Variants in NCBP1 observed in about 807,000 individuals in gnomAD.
NCBP1 encodes the protein nuclear cap-binding protein subunit 1.
A neutral mutation model predicts 111.7 loss-of-function variants in NCBP1; 16 were observed. The ratio of observed to expected loss-of-function variants is 0.14; its 90% confidence interval spans 0.10 to 0.22. NCBP1 has a LOEUF of 0.22. NCBP1 is among the 10% of genes least tolerant of loss of function. The probability of loss-of-function intolerance (pLI) is 1.00; values close to 1 mark genes in which losing one functional copy is unlikely to be tolerated. For synonymous variants in NCBP1, 304 were observed against 314.3 expected, an observed-to-expected ratio of 0.97 and a Z score of 0.35; for missense variants, 607 against 957.5, an observed-to-expected ratio of 0.63 and a Z score of 4.83.
At chr9:97,659,095 A>G (rs1827754193) in intron 15 of NCBP1, among the ~76,000 whole-genome samples, 1 of 152,262 alleles carries the variant, frequency 6.6e-6, no homozygotes, top group African/African-American at 2.4e-5. Flanking sequence ...TTGAGAACAT[A>G]GATGCACATA....
intron 8 of NCBP1, 119 bp from the exon 9 acceptor site, chr9:97,650,384 T>A (rs1171023624): frequency 1.8e-5 from 12 of 657,184 alleles, no homozygotes. Flanking sequence ...ACTTCAGAAC[T>A]TTTATCCCCA....
chr9:97,656,662 A>G (rs1305368153), intron 14 of NCBP1, among the ~76,000 whole-genome samples: 1 of 152,232 alleles, frequency 6.6e-6, no homozygotes, highest in African/African-American at 2.4e-5. Flanking sequence ...TTCCATAGCT[A>G]TTAACATTTT....
Position 97,641,672 on chromosome 9 carries a change from C to G in NCBP1, c.224+10C>G, listed in dbSNP as rs961314542. ...GGCTTCTTTGTACAGTGTATGTATG[C>G]AAAAGATTTATGAATCCAGGTGATA... On this transcript the variant is annotated intron_variant, in intron 3 of 22. Coordinates refer to ENST00000375147, the MANE Select transcript of NCBP1 (RefSeq NM_002486.5). 1 of 1,588,200 alleles carries G rather than the reference C, an allele frequency of 6.3e-7. No individual in the cohort carries two copies. Among genetic ancestry groups the G allele is most frequent in the Non-Finnish European group, 8.6e-7 (1 of 1,163,826 alleles).
chr9:97,664,448 T>C lies in NCBP1; in HGVS notation c.1901+5T>C. 1 of 1,571,610 alleles carries C rather than the reference T, an allele frequency of 6.4e-7. No homozygotes were observed. Among genetic ancestry groups the C allele is most frequent in the African/African-American group, 1.4e-5 (1 of 74,036 alleles). On this transcript the variant is annotated splice_donor_5th_base_variant and intron_variant, in intron 19 of 22. Coordinates refer to ENST00000375147, the MANE Select transcript of NCBP1 (RefSeq NM_002486.5). ...ACTATCTCGTGACTTTACCAGGTAA[T>C]ATAAATTATTTTATGAAACTTGTGT... is the stretch of plus-strand genomic sequence containing the variant.
At chr9:97,647,977 T>C in intron 7 of NCBP1, 31 bp from the exon 8 acceptor site, 1 of 1,498,814 alleles carries the variant, frequency 6.7e-7, no homozygotes, top group Non-Finnish European at 9.1e-7. Context: ...ATGTTAATTA[T>C]ATTAATGATT....
intron 11 of NCBP1, 38 bp downstream of exon 11, chr9:97,653,946 CCTGGT>C (rs1422151748): frequency 6.6e-7 from 1 of 1,516,780 alleles, no homozygotes; most frequent in Admixed American, 1.9e-5. Context: ...ATCTCTTTGG[CCTGGT>C]CTTAAAAGAT....
rs141654705 is a variant in NCBP1 at position 97,659,014 on chromosome 9, C to T, written c.1477+271C>T. On this transcript the variant is annotated intron_variant, in intron 15 of 22. Transcript: ENST00000375147. Reference sequence around the variant, plus strand: ...AAGATGAATTTATAGTTAGAACTTACTAAACTGAAAACGTGTATTTGTCAT... The same window carrying T: ...AAGATGAATTTATAGTTAGAACTTATTAAACTGAAAACGTGTATTTGTCAT... Among the ~76,000 whole-genome samples the T allele has an allele frequency of 3.9e-5, 6 of 152,328 alleles. No homozygotes were observed. In the East Asian group the frequency reaches 1.2e-3, roughly 29 times the overall value.
Position 97,662,085 on chromosome 9 carries a change from A to G in NCBP1, c.1644A>G (p.Val548=), listed in dbSNP as rs768505992. 3.2e-5 allele frequency: 52 copies of G among 1,613,860 alleles called. No homozygotes were observed. In the South Asian group the frequency reaches 5.5e-4, roughly 17 times the overall value. Residue 548 remains valine, a synonymous_variant, in exon 17 of 23, where the codon GTA becomes GTG. Coordinates refer to ENST00000375147, the MANE Select transcript of NCBP1 (RefSeq NM_002486.5). ...SFNPLKIEVF[V]QTLLHLAAKS... ...ACCCATTGAAAATAGAAGTCTTTGT[A>G]CAGACTCTGCTACACTTGGCAGCCA...
At chr9:97,666,695 A>G (rs10116536) in intron 19 of NCBP1, 68 bp from the exon 20 acceptor site, 285,008 of 1,064,390 alleles carry the variant, frequency 0.27, 42,250 homozygotes, top group Non-Finnish European at 0.31. Flanking sequence ...AAATTACAAA[A>G]GTTGAAAGAT....
chr9:97,640,080 T>C (rs1004307356), intron 1 of NCBP1, among the ~76,000 whole-genome samples: 1 of 152,052 alleles, frequency 6.6e-6, no homozygotes, highest in Non-Finnish European at 1.5e-5. Flanking sequence ...TCAGGACTTT[T>C]CTTTGAATAT....
At chr9:97,659,880 C>G (rs1166263011) in intron 15 of NCBP1, among the ~76,000 whole-genome samples, 1 of 152,216 alleles carries the variant, frequency 6.6e-6, no homozygotes, top group African/African-American at 2.4e-5. Context: ...CTTCTCCCCA[C>G]ATGGACCTCT....
intron 15 of NCBP1, among the ~76,000 whole-genome samples, chr9:97,659,371 A>C (rs1827764674): frequency 6.6e-6 from 1 of 152,190 alleles, no homozygotes; most frequent in Middle Eastern, 3.4e-3. Context: ...TGTTGTGTAG[A>C]GGTTCTTTGT....
chr9:97,651,262 T>C (rs762324970), intron 9 of NCBP1, 48 bp from the exon 10 acceptor site: 2 of 1,506,210 alleles, frequency 1.3e-6, no homozygotes, highest in South Asian at 1.3e-5. Flanking sequence ...TATTTGACTT[T>C]TCTTGTGTCT....
rs1315197808 is a variant in NCBP1, at chr9:97,668,963, G to A, written c.2134G>A (p.Val712Ile). 1 of 1,607,032 alleles carries A rather than the reference G, an allele frequency of 6.2e-7. No homozygotes were observed. The highest frequency in any genetic ancestry group is 8.5e-7 in the Non-Finnish European group (1 of 1,176,648). The change falls in exon 21 of 23, where the codon GTT (valine) becomes ATT (isoleucine). Residue 712 changes from valine (V) to isoleucine (I), a missense_variant. Coordinates refer to ENST00000375147, the MANE Select transcript of NCBP1 (RefSeq NM_002486.5). ...AQSEQKNLFLVIFQRFIMILT... is the reference protein window; with the variant it reads ...AQSEQKNLFLIIFQRFIMILT... ...GAGTGAACAAAAGAATCTTTTCCTC[G>A]TTATATTTCAGGTATCTTGGCTTGG...
chr9:97,656,212 T>C, intron 14 of NCBP1, 127 bp downstream of exon 14: 1 of 795,834 alleles, frequency 1.3e-6, no homozygotes, highest in Non-Finnish European at 2.0e-6. Flanking sequence ...CCATTTTTAA[T>C]CAAGACTTAG....
In NCBP1 at chr9:97,672,129, A is replaced by G. The variant is rs1828210775; in HGVS notation, c.*930A>G. ...GAAGTCCTGAGCTTGTTTCCTGTAT[A>G]GTACTGATGCTGAAATAAGATGACA... On this transcript the variant is annotated 3_prime_UTR_variant, in exon 23 of 23. Transcript: ENST00000375147. 6.6e-6 allele frequency: 1 copy of G among 152,220 alleles called. No homozygotes were observed. Among genetic ancestry groups the G allele is most frequent in the Non-Finnish European group, 1.5e-5 (1 of 68,026 alleles). The allele number at this position is 152,220 out of a possible 1,614,324, so 9.4% of individuals were successfully genotyped here. A position where few individuals can be genotyped will look rare whatever the true frequency, so the allele number is the denominator to read the frequency against.
At chr9:97,639,532 T>C (rs755247631) in intron 1 of NCBP1, among the ~76,000 whole-genome samples, 10 of 152,192 alleles carry the variant, frequency 6.6e-5, no homozygotes, top group Admixed American at 6.5e-4. Flanking sequence ...ATTGAAGTTA[T>C]ATGTAACTTG....
At chr9:97,638,658 T>C (rs1827119250) in intron 1 of NCBP1, among the ~76,000 whole-genome samples, 1 of 152,210 alleles carries the variant, frequency 6.6e-6, no homozygotes, top group African/African-American at 2.4e-5. Flanking sequence ...GAAATTTGGT[T>C]CTGAGGAGCT....
chr9:97,667,187 A>G (rs1828032943), intron 20 of NCBP1, among the ~76,000 whole-genome samples: 1 of 152,128 alleles, frequency 6.6e-6, no homozygotes, highest in Non-Finnish European at 1.5e-5. Context: ...GGACACTTGT[A>G]TTTCTGTAGG....
Sources: gnomAD v4.1 joint callset for allele counts (sites outside exome capture counted in the v4.1 genomes callset) on GRCh38, gnomAD v4.1.1 for gene constraint, MANE v1.5 for transcripts, NCBI Gene and HGNC (gene_info 2026-07-23, HGNC 2026-07-21) for gene names.